Variants in ENOX1 observed in about 807,000 individuals in gnomAD.
The protein encoded by ENOX1 is candidate growth-related and time keeping constitutive hydroquinone (NADH) oxidase.
A neutral mutation model predicts 82.5 loss-of-function variants in ENOX1; 42 were observed. That is an observed-to-expected ratio of 0.51 (90% CI 0.40 to 0.66). ENOX1 has a LOEUF of 0.66. Ranked by LOEUF, ENOX1 falls within the 30% of genes least tolerant of loss-of-function variation. ENOX1 has a pLI of 0.00. For synonymous variants in ENOX1, 271 were observed against 282.2 expected (o/e 0.96, Z 0.40); for missense variants, 608 against 811.6 (o/e 0.75, Z 3.05).
chr13:43,344,447 G>T, intron 9 of ENOX1, 91 bp downstream of exon 9: 1 of 1,046,642 alleles, frequency 9.6e-7, no homozygotes, highest in Admixed American at 2.3e-5. Flanking sequence ...GGAAATTATT[G>T]AACTACTTAC....
At chr13:43,665,887 C>T (rs938679208) in intron 2 of ENOX1, among the ~76,000 whole-genome samples, 3 of 149,170 alleles carry the variant, frequency 2.0e-5, no homozygotes, top group Non-Finnish European at 4.4e-5. Context: ...CCTTGCCATT[C>T]GCTAATTCAA....
At chr13:43,478,200 T>C (rs1470909112) in intron 3 of ENOX1, among the ~76,000 whole-genome samples, 1 of 151,928 alleles carries the variant, frequency 6.6e-6, no homozygotes, top group African/African-American at 2.4e-5. Flanking sequence ...AGTGGTATTA[T>C]ACAGTGGGCA....
chr13:43,242,905 G>A (rs540277391), intron 14 of ENOX1, among the ~76,000 whole-genome samples: 1 of 152,164 alleles, frequency 6.6e-6, no homozygotes, highest in Non-Finnish European at 1.5e-5. Context: ...GGAGACTGAG[G>A]CAGGTGGATC....
chr13:43,595,983 AG>A (rs1704568800), intron 2 of ENOX1, among the ~76,000 whole-genome samples: 7 of 152,236 alleles, frequency 4.6e-5, no homozygotes, highest in Admixed American at 3.9e-4. Flanking sequence ...AATGTGTGCA[AG>A]TAACGCATCA....
In ENOX1 at chr13:43,690,634, T is replaced by A. The variant is rs559964514; in HGVS notation, c.-284-23090A>T. ...GATTTGAAAGAGACCAGCCAGTGGA[T>A]ATAAGCAAGGAAAAACTCCGCAAGC... On this transcript the variant is annotated intron_variant, in intron 1 of 16. Transcript: ENST00000690772. Among the ~76,000 whole-genome samples the A allele has an allele frequency of 3.1e-3, 467 of 152,320 alleles. 4 individuals carry two copies. The highest frequency in any genetic ancestry group is 0.011 in the African/African-American group (449 of 41,572).
chr13:43,405,896 C>G (rs1566136309), intron 5 of ENOX1, among the ~76,000 whole-genome samples: 1 of 152,186 alleles, frequency 6.6e-6, no homozygotes, highest in Non-Finnish European at 1.5e-5. Flanking sequence ...CCTATAGCAC[C>G]CTTTATCTAT....
chr13:43,705,430 TA>T (rs1454455543), intron 1 of ENOX1, among the ~76,000 whole-genome samples: 6 of 149,976 alleles, frequency 4.0e-5, no homozygotes, highest in Non-Finnish European at 8.9e-5. Flanking sequence ...CATGCTCTAT[TA>T]AAAAAGATGC....
chr13:43,678,326 G>A (rs1011026736), intron 1 of ENOX1, among the ~76,000 whole-genome samples: 3 of 151,976 alleles, frequency 2.0e-5, no homozygotes, highest in Non-Finnish European at 2.9e-5. Context: ...TAGTCTACAG[G>A]CTAATTTTTA....
intron 2 of ENOX1, among the ~76,000 whole-genome samples, chr13:43,537,566 G>A (rs188366741): frequency 3.8e-4 from 58 of 152,338 alleles, no homozygotes; most frequent in Admixed American, 2.6e-3. Flanking sequence ...TGATGACTGC[G>A]ATAATAGCTA....
At chr13:43,270,547 T>C (rs1389447649) in intron 12 of ENOX1, among the ~76,000 whole-genome samples, 1 of 152,178 alleles carries the variant, frequency 6.6e-6, no homozygotes, top group Non-Finnish European at 1.5e-5. Flanking sequence ...GGCCAGTTCC[T>C]AACCATCAAA....
chr13:43,367,013 A>G (rs878860871), intron 5 of ENOX1, among the ~76,000 whole-genome samples: 3 of 152,198 alleles, frequency 2.0e-5, no homozygotes, highest in Admixed American at 2.0e-4. Flanking sequence ...CACAATCATA[A>G]TGATGATTAC....
chr13:43,570,975 A>C (rs931504643), intron 2 of ENOX1, among the ~76,000 whole-genome samples: 1 of 152,136 alleles, frequency 6.6e-6, no homozygotes, highest in East Asian at 1.9e-4. Flanking sequence ...AAGAACATCA[A>C]CTCCACCAGA....
intron 1 of ENOX1, among the ~76,000 whole-genome samples, chr13:43,757,610 G>C (rs570111642): frequency 1.3e-5 from 2 of 152,324 alleles, no homozygotes; most frequent in African/African-American, 2.4e-5. Context: ...TAAAGCCATA[G>C]AGAGGTATCA....
intron 5 of ENOX1, among the ~76,000 whole-genome samples, chr13:43,378,695 T>G (rs2153573225): frequency 6.6e-6 from 1 of 152,228 alleles, no homozygotes; most frequent in Admixed American, 6.5e-5. Flanking sequence ...CCCAGTAACT[T>G]AAATGGGTCC....
intron 14 of ENOX1, among the ~76,000 whole-genome samples, chr13:43,237,898 G>A (rs2042627706): frequency 6.6e-6 from 1 of 152,198 alleles, no homozygotes. Flanking sequence ...GGGGTAATTA[G>A]AAATTGCCAT....
intron 2 of ENOX1, among the ~76,000 whole-genome samples, chr13:43,486,216 A>C (rs929524827): frequency 3.3e-5 from 5 of 152,070 alleles, no homozygotes; most frequent in Non-Finnish European, 5.9e-5. Flanking sequence ...TCTCAAAAAC[A>C]AAAACAAAAA....
At chr13:43,234,505 CCT>C (rs1446250583) in intron 15 of ENOX1, among the ~76,000 whole-genome samples, 2 of 152,150 alleles carry the variant, frequency 1.3e-5, no homozygotes, top group Admixed American at 6.6e-5. Context: ...AGTGTCACCC[CCT>C]GTTTCTCTTT....
rs565273020 is a variant in ENOX1, at chr13:43,770,212, G to A, written c.-285+16440C>T. Among the ~76,000 whole-genome samples, 7 of 152,302 alleles carry A rather than the reference G, an allele frequency of 4.6e-5. No homozygotes were observed. In the South Asian group the frequency reaches 1.2e-3, roughly 27 times the overall value. On this transcript the variant is annotated intron_variant, in intron 1 of 16. Coordinates refer to ENST00000690772, the MANE Select transcript of ENOX1 (RefSeq NM_001347969.2). ...AGTTTCCAATTCATGAAGTTTGGAC[G>A]AAGTTAGCATATGCTTCTACCCAGA... is the stretch of plus-strand genomic sequence containing the variant.
chr13:43,620,643 T>A (rs2082683751), intron 2 of ENOX1, among the ~76,000 whole-genome samples: 1 of 152,224 alleles, frequency 6.6e-6, no homozygotes, highest in Non-Finnish European at 1.5e-5. Context: ...TTAAATTTAT[T>A]AAGGCTCATT....
Sources: gnomAD v4.1 joint callset for allele counts (sites outside exome capture counted in the v4.1 genomes callset) on GRCh38, gnomAD v4.1.1 for gene constraint, MANE v1.5 for transcripts, NCBI Gene and HGNC (gene_info 2026-07-23, HGNC 2026-07-21) for gene names.